The following GAPVD1 variants were observed in gnomAD, a reference collection of about 807,000 sequenced individuals.
GAPVD1 encodes the protein GTPase activating protein and VPS9 domains 1.
A neutral mutation model predicts 155.5 loss-of-function variants in GAPVD1; 35 were observed. That is an observed-to-expected ratio of 0.23 (90% CI 0.17 to 0.30). GAPVD1 has a LOEUF of 0.30. Among genes scored for constraint, GAPVD1 ranks in the 10% least tolerant of loss-of-function variants. The pLI is 1.00. For synonymous variants in GAPVD1, 636 were observed against 619.7 expected (o/e 1.03, Z -0.39); for missense variants, 1,429 against 1,775.7 (o/e 0.80, Z 3.51).
rs575634626 is a variant in GAPVD1 at position 125,328,864 on chromosome 9, G to A, written c.2033-1214G>A. On this transcript the variant is annotated intron_variant, in intron 12 of 27. Transcript: ENST00000297933. ...CCCCCACCTCCCTCCCGGACGGGGC[G>A]GCTGGCCGGGCAGGGGGGCTCACCT... Among the ~76,000 whole-genome samples the A allele has an allele frequency of 3.9e-3, 595 of 152,204 alleles. 1 individual carries two copies. Among genetic ancestry groups the A allele is most frequent in the Middle Eastern group, 0.014 (4 of 294 alleles).
At chr9:125,353,530 A>G (rs947194813) in intron 23 of GAPVD1, among the ~76,000 whole-genome samples, 6 of 152,082 alleles carry the variant, frequency 3.9e-5, no homozygotes, top group Admixed American at 6.5e-5. Flanking sequence ...CTCGGTACCA[A>G]TTTACTGTAT....
chr9:125,361,389 T>C (rs1850887950), intron 27 of GAPVD1, among the ~76,000 whole-genome samples: 1 of 151,936 alleles, frequency 6.6e-6, no homozygotes, highest in African/African-American at 2.4e-5. Context: ...AATACAAAAA[T>C]TACAGGCTCC....
At chr9:125,284,250 T>C (rs962930962) in intron 2 of GAPVD1, among the ~76,000 whole-genome samples, 2 of 146,602 alleles carry the variant, frequency 1.4e-5, no homozygotes, top group Admixed American at 1.4e-4. Flanking sequence ...AGTGGTGCGA[T>C]CTCAGCTTGC....
At chr9:125,292,686 G>A (rs1191843994) in intron 2 of GAPVD1, among the ~76,000 whole-genome samples, 2 of 151,768 alleles carry the variant, frequency 1.3e-5, no homozygotes, top group Non-Finnish European at 1.5e-5. Context: ...CACCACGCCC[G>A]GCTGGTCCAG....
Position 125,331,932 on chromosome 9 carries a change from C to T in GAPVD1, c.2180C>T (p.Pro727Leu), listed in dbSNP as rs1182863530. The T allele has an allele frequency of 1.9e-6, 3 of 1,613,892 alleles. No individual in the cohort carries two copies. Among genetic ancestry groups the T allele is most frequent in the Non-Finnish European group, 1.7e-6 (2 of 1,179,928 alleles). The change falls in exon 14 of 28, where the codon CCA becomes CTA. Residue 727 changes from proline to leucine, a missense_variant. Pro to Leu is a moderately conservative substitution (Grantham distance 98, BLOSUM62 -3). Coordinates refer to ENST00000297933, the MANE Select transcript of GAPVD1 (RefSeq NM_001282680.3). ...VEVLPSDSEA[P>L]DLKQEERLQE... is the part of the protein sequence containing the mutation. ...CCTCTTATCTTCTATTTAGAGGCCC[C>T]AGACCTAAAGCAGGAGGAGCGTCTG...
Position 125,302,604 on chromosome 9 carries a change from C to G in GAPVD1, c.807C>G (p.Leu269=). Reference sequence around the variant, plus strand: ...TGGTGAACAAATTTATTGGTTATCTCAAACAGAACACATATTGTTTTCCAC... The same window carrying G: ...TGGTGAACAAATTTATTGGTTATCTGAAACAGAACACATATTGTTTTCCAC... ...VALVNKFIGY[L]KQNTYCFPHS... Residue 269 remains leucine, a synonymous_variant, in exon 5 of 28, where the codon CTC becomes CTG. Transcript: ENST00000297933. 6.2e-7 allele frequency: 1 copy of G among 1,614,024 alleles called. No homozygotes were observed. The highest frequency in any genetic ancestry group is 8.5e-7 in the Non-Finnish European group (1 of 1,179,932).
At chr9:125,303,112 C>A (rs1449895237) in intron 5 of GAPVD1, among the ~76,000 whole-genome samples, 9 of 152,042 alleles carry the variant, frequency 5.9e-5, no homozygotes, top group Non-Finnish European at 8.8e-5. Context: ...GCAACCTCCG[C>A]CTCCCGGGTT....
At chr9:125,333,436 C>T (rs1846378929) in intron 15 of GAPVD1, among the ~76,000 whole-genome samples, 2 of 150,686 alleles carry the variant, frequency 1.3e-5, no homozygotes, top group African/African-American at 4.9e-5. Flanking sequence ...TACCAAAATG[C>T]TAGCAGTGGT....
rs778729062 is a variant in GAPVD1, at chr9:125,349,392, G to A, written c.3172G>A (p.Val1058Ile). ...TCTTGGGGGTGGGTTTTGTTTAGAG[G>A]TTATGGGTGATGGTGAAAGTGCACA... is the stretch of plus-strand genomic sequence containing the variant. ...GAMANYESTE[V>I]MGDGESAHDS... Residue 1058 changes from valine (V) to isoleucine (I), a missense_variant and splice_region_variant, in exon 21 of 28, where the codon GTT becomes ATT. By Grantham distance (29) the Val-to-Ile change is conservative (BLOSUM62 3). Around this residue, in one of 4 missense-constraint regions of GAPVD1, gnomAD observed 699 missense variants for 826.0 expected, o/e 0.85. Coordinates refer to ENST00000297933, the MANE Select transcript of GAPVD1 (RefSeq NM_001282680.3). 1 of 1,613,716 alleles carries A rather than the reference G, an allele frequency of 6.2e-7. No individual in the cohort carries two copies. The highest frequency in any genetic ancestry group is 8.5e-7 in the Non-Finnish European group (1 of 1,179,770).
intron 1 of GAPVD1, chr9:125,263,890 G>A: frequency 7.0e-7 from 1 of 1,426,210 alleles, no homozygotes; most frequent in Non-Finnish European, 9.9e-7. Context: ...TACCCTCATT[G>A]GTAAGGTACC....
chr9:125,309,496 G>T (rs773218098), intron 8 of GAPVD1, among the ~76,000 whole-genome samples: 1 of 151,956 alleles, frequency 6.6e-6, no homozygotes, highest in Admixed American at 6.6e-5. Flanking sequence ...CACCACGCCC[G>T]GCTAATTTTT....
At chr9:125,356,662 T>G (rs748805336) in intron 25 of GAPVD1, among the ~76,000 whole-genome samples, 1 of 152,028 alleles carries the variant, frequency 6.6e-6, no homozygotes, top group Non-Finnish European at 1.5e-5. Context: ...CCATGACACC[T>G]GGCTGATTTT....
chr9:125,362,532 A>G, intron 27 of GAPVD1, 74 bp from the exon 28 acceptor site: 1 of 1,182,928 alleles, frequency 8.5e-7, no homozygotes, highest in Non-Finnish European at 1.2e-6. Flanking sequence ...AGAACATTCG[A>G]AGAACACTTA....
At chr9:125,283,935 T>G (rs1469093917) in intron 2 of GAPVD1, among the ~76,000 whole-genome samples, 1 of 151,642 alleles carries the variant, frequency 6.6e-6, no homozygotes, top group African/African-American at 2.4e-5. Flanking sequence ...TGCAGTGGCA[T>G]GATCTCAGCT....
intron 1 of GAPVD1, among the ~76,000 whole-genome samples, chr9:125,268,392 T>G (rs1293408618): frequency 1.3e-5 from 2 of 152,092 alleles, no homozygotes; most frequent in South Asian, 2.1e-4. Context: ...TGTGACAATA[T>G]GTACTGATCT....
At chr9:125,293,872 A>ATATATATAAATATATTTT in intron 2 of GAPVD1, among the ~76,000 whole-genome samples, 1 of 14,606 alleles carries the variant, frequency 6.8e-5, no homozygotes, top group African/African-American at 3.5e-4. Flanking sequence ...ATATATATAT[A>ATATATATAAATATATTTT]TATATATATA....
chr9:125,266,900 A>G (rs1834068070), intron 1 of GAPVD1, among the ~76,000 whole-genome samples: 1 of 151,886 alleles, frequency 6.6e-6, no homozygotes. Context: ...AACTGGTACT[A>G]TGGGCACGTG....
At chr9:125,286,327 A>C (rs1019108574) in intron 2 of GAPVD1, among the ~76,000 whole-genome samples, 2 of 152,024 alleles carry the variant, frequency 1.3e-5, no homozygotes, top group Non-Finnish European at 2.9e-5. Flanking sequence ...ATTTTTTGAT[A>C]GAGATGGAGT....
chr9:125,264,565 C>G (rs187941761), intron 1 of GAPVD1, among the ~76,000 whole-genome samples: 3 of 151,988 alleles, frequency 2.0e-5, no homozygotes, highest in Non-Finnish European at 4.4e-5. Flanking sequence ...ACAAAATAAT[C>G]GGAAGAAGAA....
Sources: allele counts gnomAD v4.1 joint callset (sites outside exome capture counted in the v4.1 genomes callset), GRCh38; gene constraint gnomAD v4.1.1; regional missense constraint gnomAD v4.1.1; transcripts MANE v1.5; gene names NCBI Gene and HGNC (gene_info 2026-07-23, HGNC 2026-07-21).